CCSER1: variants seen among roughly 807,000 people sequenced by gnomAD.
The protein encoded by CCSER1 is coiled-coil serine rich protein 1, also known as serine-rich coiled-coil domain-containing protein 1.
A neutral mutation model predicts 82.0 loss-of-function variants in CCSER1; 41 were observed. That is an observed-to-expected ratio of 0.50 (90% CI 0.39 to 0.65). CCSER1 has a LOEUF of 0.65. Among genes scored for constraint, CCSER1 ranks in the 30% least tolerant of loss-of-function variants. The pLI is 0.00. For missense variants in CCSER1, 1,119 were observed against 1,064.2 expected, an observed-to-expected ratio of 1.05 and a Z score of -0.72; for synonymous variants, 414 against 383.9, an observed-to-expected ratio of 1.08 and a Z score of -0.92.
chr4:90,876,723 TGTGA>T (rs1285869785), intron 8 of CCSER1, among the ~76,000 whole-genome samples: 2 of 152,128 alleles, frequency 1.3e-5, no homozygotes, highest in African/African-American at 4.8e-5. Flanking sequence ...TGCCTGTGTG[TGTGA>T]GTTTTTCTTT....
rs148173946 is a variant in CCSER1 at position 90,983,983 on chromosome 4, C to T, written c.2172+60536C>T. The stretch of plus-strand genomic sequence containing the variant: ...TGTTTCTCTCTTTTTGTATCAGCAA[C>T]AGTATTGAAGTAAACATTATGATAC... On this transcript the variant is annotated intron_variant, in intron 9 of 10. Transcript: ENST00000509176. 1.4e-3 allele frequency among the ~76,000 whole-genome samples: 219 copies of T among 151,866 alleles called. 1 individual carries two copies. Among genetic ancestry groups the T allele is most frequent in the Admixed American group, 7.2e-3 (110 of 15,204 alleles).
chr4:90,728,706 G>T (rs550393844), intron 7 of CCSER1, among the ~76,000 whole-genome samples: 3 of 152,054 alleles, frequency 2.0e-5, no homozygotes, highest in Admixed American at 1.3e-4. Flanking sequence ...TGAAATACTG[G>T]TATGTTAAGC....
chr4:90,415,512 A>G (rs11933498), intron 4 of CCSER1, among the ~76,000 whole-genome samples: 2,712 of 152,358 alleles, frequency 0.018, 49 homozygotes, highest in African/African-American at 0.036. Flanking sequence ...GCTTAATAAA[A>G]TATCAGATAT....
At chr4:90,352,035 G>A (rs1186229864) in intron 3 of CCSER1, among the ~76,000 whole-genome samples, 3 of 152,012 alleles carry the variant, frequency 2.0e-5, no homozygotes, top group East Asian at 1.9e-4. Context: ...TAAAAAATAC[G>A]GAGATTAGGC....
intron 5 of CCSER1, among the ~76,000 whole-genome samples, chr4:90,535,948 G>A (rs572916330): frequency 4.6e-5 from 7 of 151,492 alleles, no homozygotes; most frequent in Non-Finnish European, 8.8e-5. Context: ...AGTATCATAT[G>A]TCTTGACTAT....
intron 10 of CCSER1, among the ~76,000 whole-genome samples, chr4:91,340,718 T>C (rs1747668712): frequency 6.6e-6 from 1 of 152,188 alleles, no homozygotes; most frequent in Non-Finnish European, 1.5e-5. Context: ...TATACATCTG[T>C]TTAATTGTTA....
intron 7 of CCSER1, among the ~76,000 whole-genome samples, chr4:90,778,561 C>A (rs1217086007): frequency 6.7e-6 from 1 of 150,196 alleles, no homozygotes; most frequent in Non-Finnish European, 1.5e-5. Context: ...AACCCATACA[C>A]TAACATATTT....
At position 90,996,347 on chromosome 4, in the gene CCSER1, G is replaced by C. The variant is rs185228670; in HGVS notation, c.2172+72900G>C. 3.9e-5 allele frequency among the ~76,000 whole-genome samples: 6 copies of C among 152,034 alleles called. No individual in the cohort carries two copies. The East Asian group carries it at 1.2e-3, about 29-fold the overall frequency. On this transcript the variant is annotated intron_variant, in intron 9 of 10. Coordinates refer to ENST00000509176, the MANE Select transcript of CCSER1 (RefSeq NM_001145065.2). The stretch of plus-strand genomic sequence containing the variant: ...TTATGGTATCTTAATAAATTTGCTG[G>C]GCTATACATTTTATAAATTGACTTC...
intron 10 of CCSER1, among the ~76,000 whole-genome samples, chr4:91,543,440 C>T (rs557759304): frequency 3.3e-4 from 50 of 152,210 alleles, no homozygotes; most frequent in African/African-American, 1.0e-3. Context: ...TGGCTGGTAC[C>T]GGTTGTTCCT....
intron 10 of CCSER1, among the ~76,000 whole-genome samples, chr4:91,344,038 G>A (rs1267580210): frequency 6.6e-6 from 1 of 152,164 alleles, no homozygotes; most frequent in Non-Finnish European, 1.5e-5. Context: ...TACTATGGTT[G>A]GATGTTTGTG....
At chr4:91,354,569 A>T (rs1028594720) in intron 10 of CCSER1, among the ~76,000 whole-genome samples, 2 of 152,252 alleles carry the variant, frequency 1.3e-5, no homozygotes, top group Non-Finnish European at 2.9e-5. Flanking sequence ...TGGTACCATT[A>T]TACAGCTTTT....
At chr4:91,331,826 TC>T (rs1746976147) in intron 10 of CCSER1, among the ~76,000 whole-genome samples, 1 of 152,162 alleles carries the variant, frequency 6.6e-6, no homozygotes, top group Admixed American at 6.6e-5. Flanking sequence ...AGATATTTGT[TC>T]ACTAAAGAGT....
At position 90,303,527 on chromosome 4, in the gene CCSER1, T is replaced by C. The variant is rs577229651; in HGVS notation, c.-41-4717T>C. Among the ~76,000 whole-genome samples the C allele has an allele frequency of 5.3e-3, 806 of 151,936 alleles. 7 individuals are homozygous for C. The highest frequency in any genetic ancestry group is 0.019 in the African/African-American group (783 of 41,344). ...CTACAACTATCTGATCTTTGACAAA[T>C]CTGAGAAAAACAAGCAATGGGGAAA... is the stretch of plus-strand genomic sequence containing the variant. On this transcript the variant is annotated intron_variant, in intron 1 of 10. Coordinates refer to ENST00000509176, the MANE Select transcript of CCSER1 (RefSeq NM_001145065.2).
chr4:90,351,409 G>GTTT (rs1487521833), intron 3 of CCSER1, among the ~76,000 whole-genome samples: 1 of 152,134 alleles, frequency 6.6e-6, no homozygotes, highest in African/African-American at 2.4e-5. Context: ...ATGAGAAGCT[G>GTTT]TAACAAAGCA....
chr4:90,223,358 T>G (rs990951295), intron 1 of CCSER1, among the ~76,000 whole-genome samples: 5 of 152,234 alleles, frequency 3.3e-5, no homozygotes, highest in Admixed American at 3.3e-4. Flanking sequence ...TGTACTTCTT[T>G]ACATTTTAGC....
intron 6 of CCSER1, among the ~76,000 whole-genome samples, chr4:90,720,612 C>A (rs1364014720): frequency 6.6e-6 from 1 of 151,808 alleles, no homozygotes; most frequent in East Asian, 1.9e-4. Context: ...AAGAGGGTAA[C>A]CTAAATTTTA....
intron 10 of CCSER1, among the ~76,000 whole-genome samples, chr4:91,123,445 G>T (rs1043128045): frequency 2.6e-5 from 4 of 151,564 alleles, no homozygotes; most frequent in South Asian, 2.1e-4. Context: ...TATTAAAAAA[G>T]ATAGTCATCT....
At chr4:90,807,431 G>T (rs1757664566) in intron 7 of CCSER1, among the ~76,000 whole-genome samples, 1 of 152,070 alleles carries the variant, frequency 6.6e-6, no homozygotes, top group Non-Finnish European at 1.5e-5. Flanking sequence ...AGTCAAGCTG[G>T]TTGTCAGCAA....
intron 7 of CCSER1, among the ~76,000 whole-genome samples, chr4:90,757,903 C>T (rs930961497): frequency 6.6e-6 from 1 of 151,496 alleles, no homozygotes; most frequent in Non-Finnish European, 1.5e-5. Flanking sequence ...CTGAAGACAA[C>T]CAGCTGTACA....
Sources: allele counts gnomAD v4.1 joint callset (sites outside exome capture counted in the v4.1 genomes callset), GRCh38; gene constraint gnomAD v4.1.1; transcripts MANE v1.5; gene names NCBI Gene and HGNC (gene_info 2026-07-23, HGNC 2026-07-21).